The following STK33 variants were observed in gnomAD, a reference collection of about 807,000 sequenced individuals.
The protein encoded by STK33 is serine/threonine kinase 33, also known as serine/threonine-protein kinase 33.
Under a neutral mutation model 58.0 loss-of-function variants are expected in STK33, and 52 were observed. That is an observed-to-expected ratio of 0.90 (90% CI 0.72 to 1.13). The LOEUF is 1.13. STK33 is among the 50% of genes most tolerant of loss of function. The probability of loss-of-function intolerance (pLI) is 0.00; values close to 1 mark genes in which losing one functional copy is unlikely to be tolerated. For synonymous variants in STK33, 215 were observed against 200.1 expected (o/e 1.07, Z -0.63); for missense variants, 630 against 604.2 (o/e 1.04, Z -0.45).
chr11:8,593,312 G>A (rs898657621), intron 1 of STK33, among the ~76,000 whole-genome samples: 50 of 152,282 alleles, frequency 3.3e-4, no homozygotes, highest in African/African-American at 1.2e-3. Context: ...CCTATTTTCT[G>A]GTTGGATATT....
chr11:8,493,372 A>T (rs1376138512), intron 1 of STK33, among the ~76,000 whole-genome samples: 1 of 152,200 alleles, frequency 6.6e-6, no homozygotes, highest in Middle Eastern at 3.2e-3. Context: ...TCCTGGACAC[A>T]TACACCCTCC....
chr11:8,537,891 A>G (rs1955175162), intron 1 of STK33, among the ~76,000 whole-genome samples: 1 of 147,970 alleles, frequency 6.8e-6, no homozygotes. Context: ...TTCTTGAGTA[A>G]AAAAAAAAAA....
At chr11:8,336,077 G>C in the STK33 span, among the ~76,000 whole-genome samples, 1 of 152,222 alleles carries the variant, frequency 6.6e-6, no homozygotes, top group African/African-American at 2.4e-5. Flanking sequence ...GGAGCCTGAG[G>C]TGGCCCCAGG....
chr11:8,372,175 C>T, the STK33 span, among the ~76,000 whole-genome samples: 1 of 152,112 alleles, frequency 6.6e-6, no homozygotes, highest in Non-Finnish European at 1.5e-5. Flanking sequence ...GCCAAGAAGT[C>T]TTTTCTAGTA....
chr11:8,385,441 T>C, the STK33 span, among the ~76,000 whole-genome samples: 9 of 152,182 alleles, frequency 5.9e-5, no homozygotes, highest in Non-Finnish European at 1.3e-4. Context: ...CATCAAGCTC[T>C]TCCCCTGTTC....
At chr11:8,419,444 T>C (rs938235525) in intron 14 of STK33, among the ~76,000 whole-genome samples, 1 of 152,202 alleles carries the variant, frequency 6.6e-6, no homozygotes, top group African/African-American at 2.4e-5. Context: ...GGTCTATGTG[T>C]CTGTTCTTGT....
chr11:8,582,699 C>G (rs536626237), intron 1 of STK33, among the ~76,000 whole-genome samples: 1 of 152,186 alleles, frequency 6.6e-6, no homozygotes, highest in Non-Finnish European at 1.5e-5. Context: ...CTAATCATAT[C>G]AAGTATGTAT....
Position 8,482,090 on chromosome 11 carries a change from C to T in STK33, c.-465-1476G>A, listed in dbSNP as rs192085365. 1.5e-4 allele frequency among the ~76,000 whole-genome samples: 23 copies of T among 152,264 alleles called. No homozygotes were observed. In the East Asian group the frequency reaches 4.2e-3, roughly 28 times the overall value. On this transcript the variant is annotated intron_variant, in intron 1 of 15. Coordinates refer to ENST00000687296, the MANE Select transcript of STK33 (RefSeq NM_001352389.2). The stretch of plus-strand genomic sequence containing the variant: ...AGCCACGTAATTTCAAGTAAGAATG[C>T]TTGTTTTCTGGGAGAGCCTGTTTCC...
At chr11:8,453,005 G>T in intron 10 of STK33, 99 bp from the exon 11 acceptor site, 2 of 1,049,296 alleles carry the variant, frequency 1.9e-6, no homozygotes, top group Non-Finnish European at 2.9e-6. Flanking sequence ...TGAATTCTGG[G>T]GTTCTTGGGG....
intron 14 of STK33, among the ~76,000 whole-genome samples, chr11:8,430,100 A>G (rs185773173): frequency 1.5e-3 from 226 of 152,302 alleles, no homozygotes; most frequent in Non-Finnish European, 1.7e-3. Flanking sequence ...TTGCCAAATG[A>G]ATCAAATGTA....
At chr11:8,467,144 G>A (rs751254705) in intron 6 of STK33, 3 of 152,222 alleles carry the variant, frequency 2.0e-5, no homozygotes, top group Non-Finnish European at 4.4e-5. Context: ...TTTTCTCATT[G>A]TCTTGGGGAT....
intron 14 of STK33, among the ~76,000 whole-genome samples, chr11:8,434,623 G>GGTA (rs76829420): frequency 6.6e-6 from 1 of 152,176 alleles, no homozygotes; most frequent in Non-Finnish European, 1.5e-5. Flanking sequence ...AGCTCTGTGA[G>GGTA]CTATTATGGT....
intron 1 of STK33, among the ~76,000 whole-genome samples, chr11:8,569,989 G>A (rs750945957): frequency 6.6e-5 from 10 of 151,760 alleles, no homozygotes; most frequent in South Asian, 2.1e-4. Flanking sequence ...AAACGAATAG[G>A]CAAGCCACGG....
intron 1 of STK33, among the ~76,000 whole-genome samples, chr11:8,486,581 C>T (rs1950208767): frequency 1.3e-5 from 2 of 152,180 alleles, no homozygotes; most frequent in South Asian, 2.1e-4. Flanking sequence ...TGGTCACCTC[C>T]TTGTCTGTAT....
At chr11:8,489,259 A>G (rs146705922) in intron 1 of STK33, among the ~76,000 whole-genome samples, 1,640 of 104,474 alleles carry the variant, frequency 0.016, 19 homozygotes, top group African/African-American at 0.058. Flanking sequence ...GCTATCTCCA[A>G]AAAAAAAAAA....
chr11:8,521,233 A>G (rs1198842572), intron 1 of STK33, among the ~76,000 whole-genome samples: 1 of 152,160 alleles, frequency 6.6e-6, no homozygotes, highest in Non-Finnish European at 1.5e-5. Flanking sequence ...AAACTATATA[A>G]GGCTACAGTA....
downstream of STK33, among the ~76,000 whole-genome samples, chr11:8,388,525 C>T (rs1300991113): frequency 3.3e-5 from 5 of 152,218 alleles, no homozygotes; most frequent in South Asian, 4.1e-4. Context: ...TACAACTGAA[C>T]GATGTGAGAC....
intron 1 of STK33, among the ~76,000 whole-genome samples, chr11:8,499,576 T>C (rs893956189): frequency 6.6e-6 from 1 of 152,212 alleles, no homozygotes; most frequent in African/African-American, 2.4e-5. Flanking sequence ...ACTGGGTATA[T>C]ACCCAAAGGA....
intron 1 of STK33, among the ~76,000 whole-genome samples, chr11:8,515,635 A>G (rs568925702): frequency 1.3e-5 from 2 of 152,356 alleles, no homozygotes; most frequent in African/African-American, 4.8e-5. Flanking sequence ...ATCACAAACC[A>G]TGACCAAGTA....
Sources: allele counts gnomAD v4.1 joint callset (sites outside exome capture counted in the v4.1 genomes callset), GRCh38; gene constraint gnomAD v4.1.1; transcripts MANE v1.5; gene names NCBI Gene and HGNC (gene_info 2026-07-23, HGNC 2026-07-21).